HERC3: variants seen among roughly 807,000 people sequenced by gnomAD.
HERC3 encodes the protein HECT and RLD domain containing E3 ubiquitin protein ligase 3, also known as probable E3 ubiquitin-protein ligase HERC3.
Under a neutral mutation model 129.9 loss-of-function variants are expected in HERC3, and 58 were observed. The ratio of observed to expected loss-of-function variants is 0.45; its 90% CI spans 0.36 to 0.56. The LOEUF is 0.56. HERC3 is among the 20% of genes least tolerant of loss of function. HERC3 has a pLI of 0.00. For synonymous variants in HERC3, 430 were observed against 451.0 expected, an observed-to-expected ratio of 0.95 and a Z score of 0.59; for missense variants, 835 against 1,244.2, an observed-to-expected ratio of 0.67 and a Z score of 4.95.
At chr4:88,544,299 A>T in the HERC3 span, among the ~76,000 whole-genome samples, 1 of 152,360 alleles carries the variant, frequency 6.6e-6, no homozygotes, top group Admixed American at 6.5e-5. Flanking sequence ...ACATTTGTGC[A>T]GCCAATAAAC....
chr4:88,548,035 ATCCCATTGTGTGGATATACCGT>A, the HERC3 span, among the ~76,000 whole-genome samples: 20 of 152,300 alleles, frequency 1.3e-4, no homozygotes, highest in East Asian at 3.9e-4. Flanking sequence ...GCCAAATAAT[ATCCCATTGTGTGGATATACCGT>A]TCCCATTGTG....
intron 3 of HERC3, among the ~76,000 whole-genome samples, chr4:88,629,018 T>C (rs1308536321): frequency 6.6e-6 from 1 of 152,074 alleles, no homozygotes; most frequent in African/African-American, 2.4e-5. Context: ...ACTAAAAATA[T>C]GAAAATTAGC....
intron 23 of HERC3, among the ~76,000 whole-genome samples, chr4:88,688,520 T>G (rs894464227): frequency 6.6e-6 from 1 of 152,096 alleles, no homozygotes; most frequent in African/African-American, 2.4e-5. Flanking sequence ...TCTGATTATA[T>G]ATGGATGGTA....
the HERC3 span, among the ~76,000 whole-genome samples, chr4:88,554,941 A>G: frequency 1.3e-5 from 2 of 152,208 alleles, no homozygotes; most frequent in African/African-American, 4.8e-5. Flanking sequence ...ATAGGATTAC[A>G]TCTAGAAGTA....
At chr4:88,581,017 A>G in the HERC3 span, among the ~76,000 whole-genome samples, 1 of 152,324 alleles carries the variant, frequency 6.6e-6, no homozygotes, top group East Asian at 1.9e-4. Context: ...AGATGATCAA[A>G]AAAGAAAGTT....
intron 2 of HERC3, among the ~76,000 whole-genome samples, chr4:88,596,452 T>A (rs1722400768): frequency 6.6e-6 from 1 of 152,126 alleles, no homozygotes; most frequent in Non-Finnish European, 1.5e-5. Context: ...TGGTGGAAAT[T>A]CAGGTTTTCT....
At chr4:88,572,983 G>A in the HERC3 span, among the ~76,000 whole-genome samples, 3 of 152,096 alleles carry the variant, frequency 2.0e-5, no homozygotes, top group Non-Finnish European at 4.4e-5. Flanking sequence ...TCTCCCTTGT[G>A]TGTCAGATAC....
chr4:88,635,914 A>G (rs1189389196), intron 3 of HERC3, among the ~76,000 whole-genome samples: 2 of 152,222 alleles, frequency 1.3e-5, no homozygotes, highest in Non-Finnish European at 2.9e-5. Flanking sequence ...TCATAAGCTA[A>G]GGAGAAATAA....
intron 23 of HERC3, among the ~76,000 whole-genome samples, chr4:88,691,277 T>G (rs1490036481): frequency 6.6e-6 from 1 of 152,208 alleles, no homozygotes; most frequent in Non-Finnish European, 1.5e-5. Context: ...TCCATGCTAC[T>G]TTAGGCACTG....
chr4:88,583,902 A>T, the HERC3 span: 1 of 152,344 alleles, frequency 6.6e-6, no homozygotes, highest in African/African-American at 2.4e-5. Flanking sequence ...GACTAGGAGG[A>T]TGCCAGAGCA....
intron 3 of HERC3, among the ~76,000 whole-genome samples, chr4:88,634,804 A>G (rs2149247236): frequency 6.6e-6 from 1 of 151,824 alleles, no homozygotes; most frequent in Non-Finnish European, 1.5e-5. Context: ...AGGAGCAGGC[A>G]CCCATCTCCA....
chr4:88,529,847 A>T, the HERC3 span, among the ~76,000 whole-genome samples: 1 of 152,242 alleles, frequency 6.6e-6, no homozygotes, highest in African/African-American at 2.4e-5. Context: ...TTATTTAATA[A>T]AGTAGTTTTA....
chr4:88,654,349 C>CATAT (rs869126362), intron 7 of HERC3, among the ~76,000 whole-genome samples: 2,583 of 69,988 alleles, frequency 0.037, 47 homozygotes, highest in South Asian at 0.057. Flanking sequence ...GTAGATTTTT[C>CATAT]ATATATATAT....
chr4:88,701,808 T>TC (rs1469982921), intron 23 of HERC3, among the ~76,000 whole-genome samples: 3 of 151,926 alleles, frequency 2.0e-5, no homozygotes, highest in Admixed American at 1.3e-4. Context: ...AACAGATTTT[T>TC]TTTTTTTTTT....
At chr4:88,660,383 T>G (rs191666978) in intron 10 of HERC3, among the ~76,000 whole-genome samples, 107 of 152,190 alleles carry the variant, frequency 7.0e-4, no homozygotes, top group African/African-American at 2.1e-3. Flanking sequence ...TTTTGTATTT[T>G]TAGTAGAGAC....
chr4:88,695,417 C>T (rs1734503671), intron 23 of HERC3, among the ~76,000 whole-genome samples: 1 of 152,102 alleles, frequency 6.6e-6, no homozygotes, highest in Non-Finnish European at 1.5e-5. Flanking sequence ...CTGCTTCATT[C>T]AGAATGAAGC....
At chr4:88,581,687 A>C in the HERC3 span, among the ~76,000 whole-genome samples, 1 of 152,064 alleles carries the variant, frequency 6.6e-6, no homozygotes, top group Non-Finnish European at 1.5e-5. Flanking sequence ...CCTGGGCCCA[A>C]GTGATCTGCC....
intron 23 of HERC3, among the ~76,000 whole-genome samples, chr4:88,692,113 A>G (rs1306597734): frequency 6.6e-6 from 1 of 152,234 alleles, no homozygotes; most frequent in Non-Finnish European, 1.5e-5. Context: ...TGGCTGCATC[A>G]TAGACAAATC....
At chr4:88,705,832 G>T (rs1735730809) in intron 25 of HERC3, among the ~76,000 whole-genome samples, 1 of 152,204 alleles carries the variant, frequency 6.6e-6, no homozygotes, top group Non-Finnish European at 1.5e-5. Context: ...GGACTTAACA[G>T]GTTCTGCTGC....
Sources: gnomAD v4.1 joint callset for allele counts (sites outside exome capture counted in the v4.1 genomes callset) on GRCh38, gnomAD v4.1.1 for gene constraint, MANE v1.5 for transcripts, NCBI Gene and HGNC (gene_info 2026-07-23, HGNC 2026-07-21) for gene names.